Variants in CPS1 observed in about 807,000 individuals in gnomAD.
CPS1 encodes carbamoyl-phosphate synthase 1.
CPS1 carries 109 observed loss-of-function variants against 174.6 expected under a neutral mutation model. The ratio of observed to expected loss-of-function variants is 0.62; its 90% CI spans 0.53 to 0.73. The LOEUF is 0.73. Ranked by LOEUF, CPS1 falls within the 30% of genes least tolerant of loss-of-function variation. The pLI is 0.00. For synonymous variants in CPS1, 637 were observed against 632.0 expected (o/e 1.01, Z -0.12); for missense variants, 1,689 against 1,821.9 (o/e 0.93, Z 1.33).
At chr2:210,631,308 G>A (rs913037472) in intron 21 of CPS1, 4 of 152,050 alleles carry the variant, frequency 2.6e-5, no homozygotes, top group African/African-American at 9.7e-5. Context: ...CTCATTAAGG[G>A]GAATTTATTC....
At position 210,577,409 on chromosome 2, in the gene CPS1, C is replaced by T. The variant is rs1697749769; in HGVS notation, c.382-12C>T. ...GTGATAACCTCTTTAAAATGACTGT[C>T]TGTCTTTCTAGGTTTCAGGTTTGCT... On this transcript the variant is annotated splice_polypyrimidine_tract_variant and intron_variant, in intron 3 of 37. Coordinates refer to ENST00000233072, the MANE Select transcript of CPS1 (RefSeq NM_001875.5). 1 of 1,601,834 alleles carries T rather than the reference C, an allele frequency of 6.2e-7. No individual in the cohort carries two copies. Among genetic ancestry groups the T allele is most frequent in the Admixed American group, 1.7e-5 (1 of 59,948 alleles).
At chr2:210,563,978 G>A (rs927619084) in intron 1 of CPS1, among the ~76,000 whole-genome samples, 2 of 152,118 alleles carry the variant, frequency 1.3e-5, no homozygotes, top group East Asian at 3.9e-4. Flanking sequence ...GAGTATTAAA[G>A]GGTAAAATTG....
rs2106107745 is a variant in CPS1, at chr2:210,590,187, C to A, written c.793C>A (p.Pro265Thr). ...TGATGGGATTTTGATCGCGGGAGGACCGGGGAACCCAGCTCTTGCAGAACC... is the reference window on the plus strand; with the variant it reads ...TGATGGGATTTTGATCGCGGGAGGAACGGGGAACCCAGCTCTTGCAGAACC... ...EYDGILIAGG[P>T]GNPALAEPLI... Residue 265 changes from proline to threonine, a missense_variant, in exon 8 of 38, where the codon CCG becomes ACG. Transcript: ENST00000233072. 6.2e-7 allele frequency: 1 copy of A among 1,612,834 alleles called. No homozygotes were observed. Among genetic ancestry groups the A allele is most frequent in the Non-Finnish European group, 8.5e-7 (1 of 1,179,184 alleles).
chr2:210,521,130 T>C (rs545338835), intron 1 of CPS1, among the ~76,000 whole-genome samples: 2 of 152,166 alleles, frequency 1.3e-5, no homozygotes, highest in African/African-American at 4.8e-5. Flanking sequence ...TCTTTCAAAT[T>C]GTAGCCATTC....
Position 210,639,618 on chromosome 2 carries a change from C to CAAAA in CPS1, c.2896-355_2896-352dup, listed in dbSNP as rs397987630. Among the ~76,000 whole-genome samples, 27 of 32,032 alleles carry CAAAA rather than the reference C, an allele frequency of 8.4e-4. 1 individual carries two copies. Among genetic ancestry groups the CAAAA allele is most frequent in the East Asian group, 2.5e-3 (2 of 798 alleles). The allele number at this position is 32,032 out of a possible 152,430, so 21.0% of individuals were successfully genotyped here. A position where few individuals can be genotyped will look rare whatever the true frequency, so the allele number is the denominator to read the frequency against. ...TGGGCGACAGAGCGAGACTCCGTCT[C>CAAAA]AAAAAAAAAAAAAAAAAAAAAAAAA... is the stretch of plus-strand genomic sequence containing the variant. On this transcript the variant is annotated intron_variant, in intron 23 of 37. Coordinates refer to ENST00000233072, the MANE Select transcript of CPS1 (RefSeq NM_001875.5).
At chr2:210,607,051 C>G in intron 18 of CPS1, 110 bp downstream of exon 18, 2 of 971,430 alleles carry the variant, frequency 2.1e-6, no homozygotes, top group Non-Finnish European at 3.1e-6. Flanking sequence ...TTCCCTTTTT[C>G]TGTATGTTAG....
chr2:210,556,486 G>A, upstream of CPS1: 3 of 1,091,838 alleles, frequency 2.7e-6, no homozygotes, highest in Non-Finnish European at 3.9e-6. Context: ...TTGATGTGTT[G>A]CAATTTGTGT....
At chr2:210,542,515 C>G (rs1424991266) in intron 1 of CPS1, among the ~76,000 whole-genome samples, 1 of 152,108 alleles carries the variant, frequency 6.6e-6, no homozygotes, top group Admixed American at 6.5e-5. Context: ...TATATCTCCT[C>G]CTACCCTCCT....
chr2:210,556,296 A>T, upstream of CPS1: 1 of 456,366 alleles, frequency 2.2e-6, no homozygotes, highest in Non-Finnish European at 4.4e-6. Flanking sequence ...GAGGCATATT[A>T]GGTATCACAT....
At chr2:210,581,915 T>C (rs759533514) in intron 5 of CPS1, among the ~76,000 whole-genome samples, 103 of 152,284 alleles carry the variant, frequency 6.8e-4, no homozygotes, top group African/African-American at 2.5e-3. Context: ...GATTACTAAA[T>C]ATAGCATGCC....
chr2:210,554,836 TACACACACACAC>T (rs3060397), upstream of CPS1, among the ~76,000 whole-genome samples: 2 of 147,878 alleles, frequency 1.4e-5, no homozygotes, highest in East Asian at 4.0e-4. Context: ...CAACCCTCAC[TACACACACACAC>T]ACACACACAC....
intron 35 of CPS1, 34 bp from the exon 36 acceptor site, chr2:210,675,694 G>A (rs1389740630): frequency 4.2e-6 from 4 of 951,188 alleles, no homozygotes; most frequent in Non-Finnish European, 7.0e-6. Context: ...AAATCACTGT[G>A]ATACGGTAAT....
Position 210,595,560 on chromosome 2 carries a change from C to T in CPS1, c.1337C>T (p.Ser446Phe), listed in dbSNP as rs1405633966. The change falls in exon 13 of 38, where the codon TCT becomes TTT. Residue 446 changes from serine to phenylalanine, a missense_variant. By Grantham distance (155) the Ser-to-Phe change is radical. Coordinates refer to ENST00000233072, the MANE Select transcript of CPS1 (RefSeq NM_001875.5). The part of the protein sequence containing the change: ...GQAGEFDYSG[S>F]QAVKAMKEEN... The stretch of plus-strand genomic sequence containing the variant: ...GCTGGAGAATTTGATTACTCAGGAT[C>T]TCAAGCTGTAAAAGCCATGAAGGTG... 11 of 1,610,770 alleles carry T rather than the reference C, an allele frequency of 6.8e-6. No homozygotes were observed. Among genetic ancestry groups the T allele is most frequent in the Admixed American group, 1.7e-5 (1 of 59,798 alleles).
intron 1 of CPS1, among the ~76,000 whole-genome samples, chr2:210,567,864 T>C (rs1359677572): frequency 6.6e-6 from 1 of 152,160 alleles, no homozygotes; most frequent in Non-Finnish European, 1.5e-5. Context: ...GAGGAGAAGA[T>C]GAAAATTAGT....
chr2:210,657,373 C>T (rs1202254164), intron 30 of CPS1: 1 of 150,274 alleles, frequency 6.7e-6, no homozygotes, highest in African/African-American at 2.5e-5. Flanking sequence ...TGCAGTGGCG[C>T]GATCTCGGCT....
chr2:210,626,852 A>G (rs1305543156), intron 21 of CPS1, among the ~76,000 whole-genome samples: 6 of 152,230 alleles, frequency 3.9e-5, no homozygotes, highest in Admixed American at 1.3e-4. Flanking sequence ...CATCTACTGT[A>G]TATCTCCGGT....
intron 1 of CPS1, among the ~76,000 whole-genome samples, chr2:210,486,182 T>C (rs1389920484): frequency 6.6e-6 from 1 of 150,832 alleles, no homozygotes; most frequent in East Asian, 2.0e-4. Flanking sequence ...TATATGGTAA[T>C]GTGTTTGTTC....
Position 210,639,202 on chromosome 2 carries a change from CCTACAATGGTCAG to C in CPS1, c.2883_2895del (p.Tyr962SerfsTer11), listed in dbSNP as rs1375304341. ...TCAGTAACAAACTATCTCTATGTTA[CCTACAATGGTCAG>C]GTAGGAATGGGCAAATTGGCCTATC... On this transcript the variant is annotated frameshift_variant and splice_region_variant, in exon 23 of 38. Coordinates refer to ENST00000233072, the MANE Select transcript of CPS1 (RefSeq NM_001875.5). LOFTEE classifies it high-confidence loss of function. 2.5e-6 allele frequency: 4 copies of C among 1,612,616 alleles called. No homozygotes were observed. In the Admixed American group the frequency reaches 6.7e-5, roughly 27 times the overall value.
At chr2:210,500,407 C>T (rs1672097973) in intron 1 of CPS1, among the ~76,000 whole-genome samples, 2 of 152,204 alleles carry the variant, frequency 1.3e-5, no homozygotes, top group Admixed American at 1.3e-4. Flanking sequence ...TAAGGCAAGT[C>T]TCTTCTGCCT....
Sources: allele counts gnomAD v4.1 joint callset (sites outside exome capture counted in the v4.1 genomes callset), GRCh38; gene constraint gnomAD v4.1.1; transcripts MANE v1.5; gene names NCBI Gene and HGNC (gene_info 2026-07-23, HGNC 2026-07-21).